RARB: variants seen among roughly 807,000 people sequenced by gnomAD.
RARB encodes retinoic acid receptor beta, also known as HBV-activated protein.
RARB carries 17 observed loss-of-function variants against 51.9 expected under a neutral mutation model. The observed-to-expected ratio is 0.33, with a 90% CI of 0.22 to 0.49. RARB has a LOEUF of 0.49. Ranked by LOEUF, RARB falls within the 20% of genes least tolerant of loss-of-function variation. The pLI is 0.99. For missense variants in RARB, 369 were observed against 550.8 expected, an observed-to-expected ratio of 0.67 and a Z score of 3.30; for synonymous variants, 215 against 195.4, an observed-to-expected ratio of 1.10 and a Z score of -0.84.
At chr3:25,474,329 C>T (rs35009785) in intron 2 of RARB, among the ~76,000 whole-genome samples, 63,962 of 152,060 alleles carry the variant, frequency 0.42, 15,287 homozygotes, top group Non-Finnish European at 0.52. Context: ...ATGAGCTATG[C>T]CACATCTGGG....
chr3:25,175,011 A>T (rs559729156), intron 5 of RARB, among the ~76,000 whole-genome samples: 11 of 152,328 alleles, frequency 7.2e-5, no homozygotes, highest in African/African-American at 2.6e-4. Flanking sequence ...TGTACAAATG[A>T]TATCTGTAAT....
chr3:25,454,936 A>G (rs928329807), intron 1 of RARB, among the ~76,000 whole-genome samples: 6 of 152,242 alleles, frequency 3.9e-5, no homozygotes, highest in African/African-American at 9.6e-5. Flanking sequence ...TTTGGGAATG[A>G]ATCAACCCAA....
chr3:25,437,145 A>C (rs1199464782), intron 1 of RARB, among the ~76,000 whole-genome samples: 1 of 136,724 alleles, frequency 7.3e-6, no homozygotes, highest in African/African-American at 2.8e-5. Context: ...GGTCATATCT[A>C]AATTAGGTAT....
chr3:24,958,255 G>GTTTTGTTGT (rs1314564374), intron 2 of RARB, among the ~76,000 whole-genome samples: 1 of 69,444 alleles, frequency 1.4e-5, no homozygotes, highest in South Asian at 7.4e-4. Context: ...AGCTGCTCAG[G>GTTTTGTTGT]TTTTTTTTTT....
chr3:24,888,214 G>A (rs962994103), intron 2 of RARB, among the ~76,000 whole-genome samples: 1 of 152,104 alleles, frequency 6.6e-6, no homozygotes. Context: ...ATTTTATAAA[G>A]CATAATAACT....
intron 3 of RARB, among the ~76,000 whole-genome samples, chr3:25,070,489 C>T (rs977332788): frequency 1.3e-5 from 2 of 151,986 alleles, no homozygotes; most frequent in African/African-American, 4.8e-5. Flanking sequence ...GTATCAAGGA[C>T]TCTTAGGTGC....
chr3:24,855,058 A>C (rs560325005), intron 1 of RARB, among the ~76,000 whole-genome samples: 8 of 152,332 alleles, frequency 5.3e-5, no homozygotes, highest in South Asian at 4.1e-4. Context: ...CCAAGTGATG[A>C]GTATGCTACA....
At chr3:25,044,221 G>A (rs1381021691) in intron 2 of RARB, among the ~76,000 whole-genome samples, 1 of 152,008 alleles carries the variant, frequency 6.6e-6, no homozygotes, top group Non-Finnish European at 1.5e-5. Flanking sequence ...CACCTTCAAG[G>A]ACTAATGACA....
chr3:25,463,919 G>C (rs1321775318), intron 2 of RARB, among the ~76,000 whole-genome samples: 2 of 152,122 alleles, frequency 1.3e-5, no homozygotes, highest in African/African-American at 4.8e-5. Flanking sequence ...TGGGCAACCA[G>C]TTGGCAGCTG....
chr3:25,215,674 C>T (rs1701817976), intron 5 of RARB, among the ~76,000 whole-genome samples: 1 of 152,118 alleles, frequency 6.6e-6, no homozygotes, highest in Admixed American at 6.5e-5. Context: ...GATTTGAAAC[C>T]AGCCTTTCCT....
rs547993359 is a variant in RARB, at chr3:25,347,686, AG to A, written c.179-113506del. On this transcript the variant is annotated intron_variant, in intron 5 of 11. Coordinates refer to the RARB transcript ENST00000383772. ...TTGTAAAATTAGCAAAGGGCCCGAA[AG>A]CTCATGCTATTTAAATCCATACCAG... is the stretch of plus-strand genomic sequence containing the variant. 1.8e-3 allele frequency among the ~76,000 whole-genome samples: 267 copies of A among 152,308 alleles called. 1 individual carries two copies. Among genetic ancestry groups the A allele is most frequent in the Non-Finnish European group, 1.7e-3 (114 of 68,030 alleles).
intron 5 of RARB, among the ~76,000 whole-genome samples, chr3:25,353,655 A>C (rs1266031506): frequency 6.6e-6 from 1 of 152,028 alleles, no homozygotes; most frequent in Non-Finnish European, 1.5e-5. Context: ...ATTAAAACCA[A>C]AATTCTGATA....
intron 1 of RARB, among the ~76,000 whole-genome samples, chr3:24,841,947 C>CT (rs1702426006): frequency 6.6e-6 from 1 of 152,102 alleles, no homozygotes; most frequent in Non-Finnish European, 1.5e-5. Flanking sequence ...GAGAAATGCT[C>CT]TCTTTTTAGT....
At chr3:25,382,751 G>A (rs1368219146) in intron 5 of RARB, among the ~76,000 whole-genome samples, 2 of 152,190 alleles carry the variant, frequency 1.3e-5, no homozygotes, top group South Asian at 2.1e-4. Context: ...CCAGCTACTC[G>A]GGAGGCTGAG....
chr3:25,333,515 C>A (rs527584999), intron 5 of RARB, among the ~76,000 whole-genome samples: 2 of 152,054 alleles, frequency 1.3e-5, no homozygotes, highest in African/African-American at 2.4e-5. Flanking sequence ...ACACCTTATA[C>A]AAAAATTAAT....
chr3:25,463,532 G>A (rs779230412), intron 2 of RARB, among the ~76,000 whole-genome samples: 8 of 151,964 alleles, frequency 5.3e-5, no homozygotes, highest in African/African-American at 9.7e-5. Context: ...GTGTGGTGGC[G>A]CTTGCCTGTA....
chr3:25,277,388 A>G (rs896565073), intron 5 of RARB, among the ~76,000 whole-genome samples: 3 of 152,182 alleles, frequency 2.0e-5, no homozygotes, highest in Non-Finnish European at 2.9e-5. Context: ...CTATTAAAAT[A>G]AGCTGCTCAC....
At chr3:24,869,849 G>A (rs1559377358) in intron 2 of RARB, among the ~76,000 whole-genome samples, 1 of 151,978 alleles carries the variant, frequency 6.6e-6, no homozygotes, top group African/African-American at 2.4e-5. Context: ...TGCTATTTGT[G>A]TGCAAGCTGA....
chr3:24,917,484 T>A (rs1005584860), intron 2 of RARB, among the ~76,000 whole-genome samples: 1 of 152,234 alleles, frequency 6.6e-6, no homozygotes, highest in Non-Finnish European at 1.5e-5. Flanking sequence ...ACAAAAGATT[T>A]GATTGAATAG....
Sources: allele counts gnomAD v4.1 joint callset (sites outside exome capture counted in the v4.1 genomes callset), GRCh38; gene constraint gnomAD v4.1.1; transcripts MANE v1.5; gene names NCBI Gene and HGNC (gene_info 2026-07-23, HGNC 2026-07-21).